Variants in RALGAPA2 observed in about 807,000 individuals in gnomAD.
RALGAPA2 encodes the protein Ral GTPase activating protein catalytic subunit alpha 2.
RALGAPA2 carries 139 observed loss-of-function variants against 230.4 expected under a neutral mutation model. The observed-to-expected ratio is 0.60, with a 90% CI of 0.53 to 0.69. The LOEUF (loss-of-function observed/expected upper bound fraction) is 0.69, where lower values mean the gene tolerates loss of function less well. Ranked by LOEUF, RALGAPA2 falls within the 30% of genes least tolerant of loss-of-function variation. The pLI is 0.00. For synonymous variants in RALGAPA2, 847 were observed against 837.8 expected (o/e 1.01, Z -0.19); for missense variants, 2,163 against 2,276.0 (o/e 0.95, Z 1.01).
intron 3 of RALGAPA2, among the ~76,000 whole-genome samples, chr20:20,669,493 C>T (rs952054143): frequency 1.3e-5 from 2 of 152,194 alleles, no homozygotes; most frequent in Non-Finnish European, 2.9e-5. Context: ...TTTATGGACT[C>T]TATCCCCCTC....
intron 39 of RALGAPA2, among the ~76,000 whole-genome samples, chr20:20,396,019 T>A (rs2059707637): frequency 2.6e-5 from 4 of 152,168 alleles, no homozygotes; most frequent in Non-Finnish European, 5.9e-5. Flanking sequence ...GGGACAGGGT[T>A]TTCAGACAGC....
chr20:20,436,533 CAA>C (rs2060617251), intron 37 of RALGAPA2, among the ~76,000 whole-genome samples: 1 of 152,130 alleles, frequency 6.6e-6, no homozygotes. Context: ...AGTAAGACGG[CAA>C]AGTGTCCCTG....
At chr20:20,524,261 A>G (rs2063131608) in intron 30 of RALGAPA2, 145 bp downstream of exon 30, 14 of 1,158,222 alleles carry the variant, frequency 1.2e-5, no homozygotes, top group Non-Finnish European at 1.7e-5. Context: ...CAGCCAAGTT[A>G]TTTACTTTTT....
At chr20:20,483,761 C>A (rs2061838672) in intron 36 of RALGAPA2, among the ~76,000 whole-genome samples, 1 of 152,176 alleles carries the variant, frequency 6.6e-6, no homozygotes, top group African/African-American at 2.4e-5. Context: ...CTAACCAGAT[C>A]CCTTAAGTAA....
intron 23 of RALGAPA2, among the ~76,000 whole-genome samples, chr20:20,549,597 C>CCCACACTGAAGTGGA (rs1256737838): frequency 1.3e-5 from 2 of 152,122 alleles, no homozygotes; most frequent in Admixed American, 1.3e-4. Flanking sequence ...TGCCTGCTTC[C>CCCACACTGAAGTGGA]GTTGCTTCTC....
At chr20:20,566,892 A>T (rs2064445735) in intron 23 of RALGAPA2, among the ~76,000 whole-genome samples, 1 of 152,252 alleles carries the variant, frequency 6.6e-6, no homozygotes, top group Non-Finnish European at 1.5e-5. Context: ...AGGGCAGAAC[A>T]ACAAACACTT....
chr20:20,432,612 T>A (rs1050451974), intron 37 of RALGAPA2, among the ~76,000 whole-genome samples: 1 of 152,188 alleles, frequency 6.6e-6, no homozygotes, highest in African/African-American at 2.4e-5. Flanking sequence ...AAGTTAATGA[T>A]TCTTTGAGAG....
intron 3 of RALGAPA2, among the ~76,000 whole-genome samples, chr20:20,671,672 A>C (rs2068139324): frequency 4.6e-5 from 7 of 152,222 alleles, no homozygotes; most frequent in Admixed American, 4.6e-4. Flanking sequence ...CTTGAACAAT[A>C]TATATTTGTT....
chr20:20,505,607 C>T (rs1602578193), intron 33 of RALGAPA2, 73 bp from the exon 34 acceptor site: 3 of 1,288,546 alleles, frequency 2.3e-6, no homozygotes, highest in East Asian at 5.1e-5. Context: ...TTAATACCAC[C>T]AGCATGACTT....
chr20:20,628,545 A>G (rs2066565159), intron 10 of RALGAPA2, among the ~76,000 whole-genome samples: 1 of 152,020 alleles, frequency 6.6e-6, no homozygotes, highest in African/African-American at 2.4e-5. Flanking sequence ...GTTTCTCCAC[A>G]GCAGCACTAC....
intron 4 of RALGAPA2, among the ~76,000 whole-genome samples, chr20:20,645,955 T>TA (rs11483626): frequency 0.049 from 6,502 of 133,714 alleles, 219 homozygotes; most frequent in East Asian, 0.18. Flanking sequence ...TTTTTAATAA[T>TA]AAAAAAAAAA....
intron 37 of RALGAPA2, chr20:20,471,032 GT>G (rs2061528384): frequency 6.6e-6 from 1 of 152,146 alleles, no homozygotes; most frequent in Non-Finnish European, 1.5e-5. Context: ...CAACATAATA[GT>G]TTTTAAAATA....
chr20:20,440,550 T>C (rs923414577), intron 37 of RALGAPA2, among the ~76,000 whole-genome samples: 2 of 152,234 alleles, frequency 1.3e-5, no homozygotes, highest in African/African-American at 4.8e-5. Flanking sequence ...CGGAGCTTTG[T>C]CAGCTTTACC....
chr20:20,531,377 G>A (rs1280633655), intron 27 of RALGAPA2, among the ~76,000 whole-genome samples: 3 of 152,168 alleles, frequency 2.0e-5, no homozygotes, highest in African/African-American at 4.8e-5. Context: ...GCCAGAGCAC[G>A]ACACCCCACT....
chr20:20,492,579 A>C (rs1296808023), intron 36 of RALGAPA2, among the ~76,000 whole-genome samples: 2 of 152,178 alleles, frequency 1.3e-5, no homozygotes, highest in African/African-American at 4.8e-5. Flanking sequence ...AATGGCTGAG[A>C]ATTAATCTCT....
At chr20:20,707,133 G>A (rs1327349063) in intron 1 of RALGAPA2, among the ~76,000 whole-genome samples, 1 of 152,066 alleles carries the variant, frequency 6.6e-6, no homozygotes, top group Non-Finnish European at 1.5e-5. Context: ...TCACTCTGTA[G>A]ATGACACTCC....
At chr20:20,509,179 CAT>C (rs2062626573) in intron 33 of RALGAPA2, among the ~76,000 whole-genome samples, 1 of 152,098 alleles carries the variant, frequency 6.6e-6, no homozygotes, top group Non-Finnish European at 1.5e-5. Context: ...ACAGAATTTC[CAT>C]AGAGAAGTTG....
chr20:20,520,898 T>TA lies in RALGAPA2; in HGVS notation c.4084+18dup. On this transcript the variant is annotated intron_variant, in intron 31 of 39. Transcript: ENST00000202677. ...TCCTTTTCCTTCCCACAAGATTTCA[T>TA]ACCTGAAAGAATACTCACCCTCTTC... 6.5e-7 allele frequency: 1 copy of TA among 1,536,832 alleles called. No individual in the cohort carries two copies.
intron 1 of RALGAPA2, among the ~76,000 whole-genome samples, chr20:20,695,667 A>G (rs1189986685): frequency 6.6e-6 from 1 of 152,188 alleles, no homozygotes; most frequent in Non-Finnish European, 1.5e-5. Flanking sequence ...CTAACCTAAT[A>G]CTGTCATATT....
Sources: allele counts gnomAD v4.1 joint callset (sites outside exome capture counted in the v4.1 genomes callset), GRCh38; gene constraint gnomAD v4.1.1; transcripts MANE v1.5; gene names NCBI Gene and HGNC (gene_info 2026-07-23, HGNC 2026-07-21).